Variants in DNAJC16 observed in about 807,000 individuals in gnomAD.
The protein encoded by DNAJC16 is DnaJ heat shock protein family (Hsp40) member C16.
Under a neutral mutation model 92.7 loss-of-function variants are expected in DNAJC16, and 76 were observed. The ratio of observed to expected loss-of-function variants is 0.82; its 90% CI spans 0.68 to 0.99. The LOEUF is 0.99. Among genes scored for constraint, DNAJC16 ranks in the 50% least tolerant of loss-of-function variants. DNAJC16 has a pLI of 0.00. For synonymous variants in DNAJC16, 328 were observed against 358.7 expected, an observed-to-expected ratio of 0.91 and a Z score of 0.97; for missense variants, 869 against 942.4, an observed-to-expected ratio of 0.92 and a Z score of 1.02.
chr1:15,557,570 C>G lies in DNAJC16; in HGVS notation c.1024-1956C>G, dbSNP rs1407353663. 1.5e-4 allele frequency among the ~76,000 whole-genome samples: 3 copies of G among 19,370 alleles called. No homozygotes were observed. The African/African-American group carries it at 2.0e-3, about 13-fold the overall frequency. 12.7% of individuals were successfully genotyped at this position (19,370 alleles called of 152,430 possible). ...ACTTTTATATTTTTGCTGTTTTTGA[C>G]TTGACAGATGTTTATTTCATTAACT... On this transcript the variant is annotated intron_variant, in intron 7 of 14. Transcript: ENST00000375847.
chr1:15,552,599 A>G (rs1003965476), intron 7 of DNAJC16, among the ~76,000 whole-genome samples: 3 of 152,074 alleles, frequency 2.0e-5, no homozygotes, highest in Non-Finnish European at 2.9e-5. Flanking sequence ...AAGATCCATT[A>G]TAAGTGCAAG....
At position 15,568,317 on chromosome 1, in the gene DNAJC16, T is replaced by C; in HGVS notation, c.*140T>C. ...TCTAGAACCATGGCTAGAAGAATCT[T>C]TCCTTTGTCCTGTTCTAACCTAGGA... is the stretch of plus-strand genomic sequence containing the variant. On this transcript the variant is annotated 3_prime_UTR_variant, in exon 15 of 15. Coordinates refer to ENST00000375847, the MANE Select transcript of DNAJC16 (RefSeq NM_015291.4). 1 of 740,116 alleles carries C rather than the reference T, an allele frequency of 1.4e-6. No individual in the cohort carries two copies. The highest frequency in any genetic ancestry group is 2.2e-6 in the Non-Finnish European group (1 of 459,992). 45.8% of individuals were successfully genotyped at this position (740,116 alleles called of 1,614,324 possible). A position where few individuals can be genotyped will look rare whatever the true frequency, so the allele number is the denominator to read the frequency against.
At chr1:15,535,624 A>G (rs956245152) in intron 3 of DNAJC16, among the ~76,000 whole-genome samples, 12 of 152,002 alleles carry the variant, frequency 7.9e-5, no homozygotes, top group Admixed American at 3.3e-4. Flanking sequence ...GGTCCTAGCT[A>G]CTCAGGAGGC....
Position 15,536,799 on chromosome 1 carries a change from G to A in DNAJC16, c.559G>A (p.Glu187Lys). 1 of 1,598,124 alleles carries A rather than the reference G, an allele frequency of 6.3e-7. No individual in the cohort carries two copies. Residue 187 changes from glutamate (E) to lysine (K), a missense_variant, in exon 4 of 15, where the codon GAA becomes AAA. By Grantham distance (56) the Glu-to-Lys change is moderately conservative (BLOSUM62 1). Coordinates refer to ENST00000375847, the MANE Select transcript of DNAJC16 (RefSeq NM_015291.4). ...IEPVWKEVIQ[E>K]LEELGVGIGV... The stretch of plus-strand genomic sequence containing the variant: ...GCCTGTGTGGAAAGAAGTCATTCAA[G>A]AACTGGAAGAATTGGGTAAGATAAT...
chr1:15,543,814 G>A (rs932806112), intron 4 of DNAJC16, among the ~76,000 whole-genome samples: 1 of 152,140 alleles, frequency 6.6e-6, no homozygotes, highest in Admixed American at 6.6e-5. Context: ...TGGATGTGGG[G>A]TGCAACAGAT....
At position 15,571,203 on chromosome 1, in the gene DNAJC16, T is replaced by C. The variant is rs1638941302; in HGVS notation, c.*3026T>C. The C allele has an allele frequency of 6.6e-6, 1 of 152,216 alleles. No homozygotes were observed. Among genetic ancestry groups the C allele is most frequent in the African/African-American group, 2.4e-5 (1 of 41,460 alleles). The allele number at this position is 152,216 out of a possible 1,614,324, so 9.4% of individuals were successfully genotyped here. A position where few individuals can be genotyped will look rare whatever the true frequency, so the allele number is the denominator to read the frequency against. On this transcript the variant is annotated 3_prime_UTR_variant, in exon 15 of 15. Transcript: ENST00000375847. ...GTTTTCAGGTAGGTTGGTTTCTTCC[T>C]CATTTGCAGCTTGTTGATACTTGTT...
intron 4 of DNAJC16, among the ~76,000 whole-genome samples, chr1:15,538,247 C>G (rs898719910): frequency 1.3e-5 from 2 of 151,318 alleles, no homozygotes; most frequent in Non-Finnish European, 2.9e-5. Context: ...ATACAAAAAT[C>G]AGCCAGGAGT....
chr1:15,559,718 C>T, intron 8 of DNAJC16, 62 bp downstream of exon 8: 1 of 1,584,698 alleles, frequency 6.3e-7, no homozygotes, highest in Non-Finnish European at 8.6e-7. Flanking sequence ...ATTCATTTTA[C>T]TATAGGGTGA....
rs1473109429 is a variant in DNAJC16 at position 15,537,740 on chromosome 1, TA to T, written c.574+927del. Reference sequence around the variant, plus strand: ...AGCAACTCAATGAAGGAGAGACTATTATTATCTCTATTTTACAGGTGAGGGA... The same window carrying T: ...AGCAACTCAATGAAGGAGAGACTATTTTATCTCTATTTTACAGGTGAGGGA... On this transcript the variant is annotated intron_variant, in intron 4 of 14. Transcript: ENST00000375847. Among the ~76,000 whole-genome samples, 7 of 152,330 alleles carry T rather than the reference TA, an allele frequency of 4.6e-5. No homozygotes were observed. In the South Asian group the frequency reaches 1.2e-3, roughly 27 times the overall value.
chr1:15,547,362 G>A (rs1570913237), intron 6 of DNAJC16, among the ~76,000 whole-genome samples: 1 of 151,592 alleles, frequency 6.6e-6, no homozygotes, highest in Non-Finnish European at 1.5e-5. Flanking sequence ...TGGCCAGGCT[G>A]CTCTCGAACT....
chr1:15,564,439 T>A, intron 11 of DNAJC16, 80 bp downstream of exon 11: 1 of 962,388 alleles, frequency 1.0e-6, no homozygotes, highest in Non-Finnish European at 1.7e-6. Flanking sequence ...GAGTTCATCA[T>A]TATTAAATTT....
At chr1:15,535,899 G>A (rs1460943624) in intron 3 of DNAJC16, among the ~76,000 whole-genome samples, 1 of 151,196 alleles carries the variant, frequency 6.6e-6, no homozygotes, top group Non-Finnish European at 1.5e-5. Context: ...CAAGTAGCTA[G>A]GACTATAGGC....
chr1:15,533,644 C>CA lies in DNAJC16; in HGVS notation c.168-585dup, dbSNP rs958383487. 9.9e-5 allele frequency among the ~76,000 whole-genome samples: 15 copies of CA among 150,998 alleles called. 1 individual carries two copies. In the East Asian group the frequency reaches 1.4e-3, roughly 14 times the overall value. ...CCCTGTCTCAAAAAAAACAAAAAAA[C>CA]AAAAAAAACAGTGGCCTTGAAATCT... On this transcript the variant is annotated intron_variant, in intron 2 of 14. Transcript: ENST00000375847.
intron 7 of DNAJC16, among the ~76,000 whole-genome samples, chr1:15,557,779 C>T (rs1237811660): frequency 6.6e-6 from 1 of 151,720 alleles, no homozygotes; most frequent in Non-Finnish European, 1.5e-5. Flanking sequence ...GTCACCCAGG[C>T]TGGAGTGTAG....
chr1:15,555,870 A>G (rs1372480168), intron 7 of DNAJC16, among the ~76,000 whole-genome samples: 1 of 151,672 alleles, frequency 6.6e-6, no homozygotes, highest in Non-Finnish European at 1.5e-5. Context: ...GCATGCCTAT[A>G]ATCCCAGCTA....
chr1:15,534,367 A>G (rs1710732655), intron 3 of DNAJC16, 64 bp downstream of exon 3: 29 of 1,527,852 alleles, frequency 1.9e-5, no homozygotes, highest in Non-Finnish European at 2.5e-5. Context: ...GGAGGTGATG[A>G]GTTTTGTAAA....
rs545015129 is a variant in DNAJC16 at position 15,559,846 on chromosome 1, C to G, written c.1154+190C>G. Among the ~76,000 whole-genome samples, 11 of 151,448 alleles carry G rather than the reference C, an allele frequency of 7.3e-5. No individual in the cohort carries two copies. In the South Asian group the frequency reaches 1.3e-3, roughly 17 times the overall value. The stretch of plus-strand genomic sequence containing the variant: ...TGGGAGGCCGAGGAGGGCGGATCAT[C>G]TGAGGTCCGGAGTTCAAGACCAGCC... On this transcript the variant is annotated intron_variant, in intron 8 of 14. Transcript: ENST00000375847.
At position 15,552,766 on chromosome 1, in the gene DNAJC16, A is replaced by AT. The variant is rs1247280903; in HGVS notation, c.1023+4341dup. 1.3e-3 allele frequency among the ~76,000 whole-genome samples: 167 copies of AT among 125,938 alleles called. 2 individuals are homozygous for AT. Among genetic ancestry groups the AT allele is most frequent in the South Asian group, 3.4e-3 (13 of 3,850 alleles). 82.6% of individuals were successfully genotyped at this position (125,938 alleles called of 152,430 possible). ...TGTTATGTGTCTTTTTATTATTATT[A>AT]TTTATTTTTTTTTTTTTTGGAGACA... On this transcript the variant is annotated intron_variant, in intron 7 of 14. Transcript: ENST00000375847.
intron 1 of DNAJC16, among the ~76,000 whole-genome samples, chr1:15,527,656 CAAA>C (rs1710550217): frequency 6.6e-6 from 1 of 152,130 alleles, no homozygotes; most frequent in African/African-American, 2.4e-5. Flanking sequence ...GTTGCCTTAA[CAAA>C]GAAGAAACTG....
Sources: gnomAD v4.1 joint callset for allele counts (sites outside exome capture counted in the v4.1 genomes callset) on GRCh38, gnomAD v4.1.1 for gene constraint, MANE v1.5 for transcripts, NCBI Gene and HGNC (gene_info 2026-07-23, HGNC 2026-07-21) for gene names.